The following CNNM3 variants were observed in gnomAD, a reference collection of about 807,000 sequenced individuals.
CNNM3 encodes the protein cyclin and CBS domain divalent metal cation transport mediator 3.
A neutral mutation model predicts 57.1 loss-of-function variants in CNNM3; 47 were observed. The ratio of observed to expected loss-of-function variants is 0.82; its 90% confidence interval spans 0.65 to 1.05. CNNM3 has a LOEUF of 1.05. CNNM3 is among the 50% of genes least tolerant of loss of function. The pLI is 0.00. For synonymous variants in CNNM3, 507 were observed against 478.2 expected (o/e 1.06, Z -0.79); for missense variants, 957 against 973.7 (o/e 0.98, Z 0.23).
chr2:96,832,483 T>A lies in CNNM3; in HGVS notation c.2060-69T>A, dbSNP rs569019536. ...TGCCCCTTCCTGTCCCACAGAGGAT[T>A]TGGCACTTGGTTTTGACAGGATACT... On this transcript the variant is annotated intron_variant, in intron 7 of 7. Coordinates refer to ENST00000305510, the MANE Select transcript of CNNM3 (RefSeq NM_017623.5). 2.5e-6 allele frequency: 4 copies of A among 1,606,972 alleles called. No individual in the cohort carries two copies. In the South Asian group the frequency reaches 3.3e-5, roughly 13 times the overall value.
intron 6 of CNNM3, 105 bp downstream of exon 6, chr2:96,828,805 C>G: frequency 6.6e-7 from 1 of 1,517,062 alleles, no homozygotes; most frequent in Non-Finnish European, 9.0e-7. Context: ...TTCCACTCAT[C>G]CTGAGGGACA....
chr2:96,817,612 A>C, intron 1 of CNNM3, 110 bp downstream of exon 1: 1 of 1,055,876 alleles, frequency 9.5e-7, no homozygotes. Context: ...TGTGGAGAGC[A>C]GTGAGACCTC....
Position 96,816,616 on chromosome 2 carries a change from C to T in CNNM3, c.339C>T (p.His113=). Residue 113 remains histidine, a synonymous_variant, in exon 1 of 8, where the codon CAC becomes CAT. Transcript: ENST00000305510. The part of the protein sequence containing the change: ...LRLRAEAVRP[H]SALLAVRVEP... The stretch of plus-strand genomic sequence containing the variant: ...TGCGGGCCGAGGCCGTGCGCCCGCA[C>T]TCGGCGCTGCTGGCGGTGCGCGTGG... The T allele has an allele frequency of 3.4e-6, 4 of 1,173,502 alleles. No individual in the cohort carries two copies. Among genetic ancestry groups the T allele is most frequent in the South Asian group, 4.2e-5 (1 of 23,884 alleles). 72.7% of individuals were successfully genotyped at this position (1,173,502 alleles called of 1,614,324 possible).
intron 1 of CNNM3, among the ~76,000 whole-genome samples, chr2:96,821,094 A>C (rs2079399560): frequency 6.6e-6 from 1 of 152,060 alleles, no homozygotes; most frequent in African/African-American, 2.4e-5. Flanking sequence ...CTGGAGGTTA[A>C]ATGGGGAGCT....
In CNNM3 at chr2:96,825,229, C is replaced by G; in HGVS notation, c.1369+28C>G. On this transcript the variant is annotated intron_variant, in intron 2 of 7. Transcript: ENST00000305510. ...GAGTCCAGACTCTTGGCAGTTCTGT[C>G]TCCGCTGGGCCTGCACACTTCCCCA... 3 of 1,612,438 alleles carry G rather than the reference C, an allele frequency of 1.9e-6. No individual in the cohort carries two copies. In the African/African-American group the frequency reaches 4.0e-5, roughly 21 times the overall value.
rs200171507 is a variant in CNNM3, at chr2:96,817,189, C to G, written c.912C>G (p.Leu304=). ...GCGGCGGCGACCCCTACAGCGATCT[C>G]AGCAAGGGCGTGCTGCGCTGCCGGA... is the stretch of plus-strand genomic sequence containing the variant. ...ARGGGDPYSD[L]SKGVLRCRTV... Residue 304 remains leucine, a synonymous_variant, in exon 1 of 8, where the codon CTC becomes CTG. Transcript: ENST00000305510. The G allele has an allele frequency of 2.8e-5, 44 of 1,579,376 alleles. No homozygotes were observed. Among genetic ancestry groups the G allele is most frequent in the Non-Finnish European group, 1.1e-5 (13 of 1,166,758 alleles).
At chr2:96,820,613 T>C (rs1300609363) in intron 1 of CNNM3, among the ~76,000 whole-genome samples, 1 of 152,126 alleles carries the variant, frequency 6.6e-6, no homozygotes, top group African/African-American at 2.4e-5. Flanking sequence ...GAGACCACTT[T>C]CCCAGGGAAG....
intron 2 of CNNM3, among the ~76,000 whole-genome samples, chr2:96,826,504 A>G (rs1338207765): frequency 1.3e-5 from 2 of 152,210 alleles, no homozygotes; most frequent in African/African-American, 2.4e-5. Flanking sequence ...GTGAATCACT[A>G]CATCTGGCCT....
chr2:96,825,258 G>C, intron 2 of CNNM3, 57 bp downstream of exon 2: 1 of 1,588,796 alleles, frequency 6.3e-7, no homozygotes, highest in Non-Finnish European at 8.6e-7. Flanking sequence ...TTCCCCAGGC[G>C]TATGTTGCGT....
intron 2 of CNNM3, among the ~76,000 whole-genome samples, chr2:96,826,332 C>T (rs1056955641): frequency 1.3e-5 from 2 of 152,154 alleles, no homozygotes; most frequent in Non-Finnish European, 2.9e-5. Flanking sequence ...CCCACCTCAG[C>T]CTCCTGAGCA....
In CNNM3 at chr2:96,835,121, A is replaced by G. The variant is rs976309617; in HGVS notation, c.*2505A>G. Reference sequence around the variant, plus strand: ...CTCCCCACCTTCCCTAACTCCTGGTAACCACTAATCGTTCATCTCTTCTTA... The same window carrying G: ...CTCCCCACCTTCCCTAACTCCTGGTGACCACTAATCGTTCATCTCTTCTTA... On this transcript the variant is annotated 3_prime_UTR_variant, in exon 8 of 8. Coordinates refer to ENST00000305510, the MANE Select transcript of CNNM3 (RefSeq NM_017623.5). Among the ~76,000 whole-genome samples the G allele has an allele frequency of 1.3e-5, 2 of 152,228 alleles. No homozygotes were observed. Among genetic ancestry groups the G allele is most frequent in the Non-Finnish European group, 2.9e-5 (2 of 68,040 alleles).
In CNNM3 at chr2:96,829,139, G is replaced by A; in HGVS notation, c.2059+5G>A. 3 of 1,613,786 alleles carry A rather than the reference G, an allele frequency of 1.9e-6. No homozygotes were observed. The highest frequency in any genetic ancestry group is 1.7e-6 in the Non-Finnish European group (2 of 1,179,966). Reference sequence around the variant, plus strand: ...AGAAGACCACCACAGCGGCAGGTGAGTGCCAAGTGGTACATCGTGCATGGT... The same window carrying A: ...AGAAGACCACCACAGCGGCAGGTGAATGCCAAGTGGTACATCGTGCATGGT... On this transcript the variant is annotated splice_donor_5th_base_variant and intron_variant, in intron 7 of 7. Transcript: ENST00000305510.
At position 96,832,928 on chromosome 2, in the gene CNNM3, G is replaced by C; in HGVS notation, c.*312G>C. On this transcript the variant is annotated 3_prime_UTR_variant, in exon 8 of 8. Coordinates refer to ENST00000305510, the MANE Select transcript of CNNM3 (RefSeq NM_017623.5). Reference sequence around the variant, plus strand: ...GCCTTCCCCTTCTCCCCCGGGGCAGGGACAGTGCGGCATATTCAGATTCAG... The same window carrying C: ...GCCTTCCCCTTCTCCCCCGGGGCAGCGACAGTGCGGCATATTCAGATTCAG... The C allele has an allele frequency of 7.1e-7, 1 of 1,416,870 alleles. No individual in the cohort carries two copies. Among genetic ancestry groups the C allele is most frequent in the South Asian group, 1.2e-5 (1 of 82,124 alleles). The allele number at this position is 1,416,870 out of a possible 1,614,324, so 87.8% of individuals were successfully genotyped here.
chr2:96,832,416 G>C, intron 7 of CNNM3, 136 bp from the exon 8 acceptor site: 1 of 1,519,688 alleles, frequency 6.6e-7, no homozygotes, highest in Non-Finnish European at 8.8e-7. Context: ...TCCTGTTTCT[G>C]CTCTGATACT....
At chr2:96,829,473 G>C (rs2079566045) in intron 7 of CNNM3, among the ~76,000 whole-genome samples, 2 of 151,514 alleles carry the variant, frequency 1.3e-5, no homozygotes, top group Admixed American at 1.3e-4. Context: ...GCCAATTTTT[G>C]TATTTTTAGT....
chr2:96,820,593 G>A (rs2079390834), intron 1 of CNNM3, among the ~76,000 whole-genome samples: 2 of 152,196 alleles, frequency 1.3e-5, no homozygotes, highest in Admixed American at 1.3e-4. Context: ...TGTCCTGGAA[G>A]CTAAGGGAAG....
At position 96,825,011 on chromosome 2, in the gene CNNM3, C is replaced by T. The variant is rs1253593348; in HGVS notation, c.1226-47C>T. 9 of 1,606,846 alleles carry T rather than the reference C, an allele frequency of 5.6e-6. No individual in the cohort carries two copies. The South Asian group carries it at 8.8e-5, about 16-fold the overall frequency. On this transcript the variant is annotated intron_variant, in intron 1 of 7. Coordinates refer to ENST00000305510, the MANE Select transcript of CNNM3 (RefSeq NM_017623.5). ...CCTATACCAGGGGAGATGAATCAAACTGGGGGGGGCCCAGCAAGCTGTTCC... is the reference window on the plus strand; with the variant it reads ...CCTATACCAGGGGAGATGAATCAAATTGGGGGGGGCCCAGCAAGCTGTTCC...
rs1340007730 is a variant in CNNM3 at position 96,833,802 on chromosome 2, C to T, written c.*1186C>T. 3.3e-5 allele frequency: 5 copies of T among 152,182 alleles called. No homozygotes were observed. Among genetic ancestry groups the T allele is most frequent in the Non-Finnish European group, 7.3e-5 (5 of 68,042 alleles). 9.4% of individuals were successfully genotyped at this position (152,182 alleles called of 1,614,324 possible). ...GGAATTTGGACCCTTATAAATGGGA[C>T]TGAAGGTCAAAACAACAGTGATATC... On this transcript the variant is annotated 3_prime_UTR_variant, in exon 8 of 8. Transcript: ENST00000305510.
chr2:96,816,399 A>G lies in CNNM3; in HGVS notation c.122A>G (p.Asp41Gly), dbSNP rs748771423. 6 of 1,373,240 alleles carry G rather than the reference A, an allele frequency of 4.4e-6. No individual in the cohort carries two copies. The highest frequency in any genetic ancestry group is 5.6e-6 in the Non-Finnish European group (6 of 1,065,180). 85.1% of individuals were successfully genotyped at this position (1,373,240 alleles called of 1,614,324 possible). ...GTGCTGGGCTTCTGCCTGGAGGAGGATGGAGCGGCGGGCGCGGGTTGGGTA... is the reference window on the plus strand; with the variant it reads ...GTGCTGGGCTTCTGCCTGGAGGAGGGTGGAGCGGCGGGCGCGGGTTGGGTA... ...PRVLGFCLEEDGAAGAGWVRG... is the reference protein window; with the variant it reads ...PRVLGFCLEEGGAAGAGWVRG... Residue 41 changes from aspartate to glycine, a missense_variant, in exon 1 of 8, where the codon GAT becomes GGT. Physicochemically the swap from Asp to Gly is moderately conservative, Grantham distance 94. Coordinates refer to ENST00000305510, the MANE Select transcript of CNNM3 (RefSeq NM_017623.5).
Sources: allele counts gnomAD v4.1 joint callset (sites outside exome capture counted in the v4.1 genomes callset), GRCh38; gene constraint gnomAD v4.1.1; transcripts MANE v1.5; gene names NCBI Gene and HGNC (gene_info 2026-07-23, HGNC 2026-07-21).